Variants in GPC5 observed in about 807,000 individuals in gnomAD.
GPC5 encodes the protein glypican-5.
GPC5 carries 47 observed loss-of-function variants against 53.9 expected under a neutral mutation model. The ratio of observed to expected loss-of-function variants is 0.87; its 90% CI spans 0.69 to 1.11. The LOEUF (loss-of-function observed/expected upper bound fraction) is 1.11, where lower values mean the gene tolerates loss of function less well. Ranked by LOEUF, GPC5 falls within the 50% of genes most tolerant of loss-of-function variation. GPC5 has a pLI of 0.00. For synonymous variants in GPC5, 286 were observed against 263.3 expected, an observed-to-expected ratio of 1.09 and a Z score of -0.84; for missense variants, 748 against 713.1, an observed-to-expected ratio of 1.05 and a Z score of -0.56.
At position 92,866,390 on chromosome 13, in the gene GPC5, T is replaced by A; in HGVS notation, c.1670T>A (p.Met557Lys). Reference protein sequence around the residue: ...GAGCAVATESMTFTLISVVML... With the variant: ...GAGCAVATESKTFTLISVVML... Reference sequence around the variant, plus strand: ...GGATGTGCAGTGGCGACTGAATCTATGACATTCACTCTGATAAGTGTGGTG... The same window carrying A: ...GGATGTGCAGTGGCGACTGAATCTAAGACATTCACTCTGATAAGTGTGGTG... Residue 557 changes from methionine (M) to lysine (K), a missense_variant, in exon 8 of 8, where the codon ATG becomes AAG. Met to Lys is a moderately conservative substitution (Grantham distance 95). Coordinates refer to ENST00000377067, the MANE Select transcript of GPC5 (RefSeq NM_004466.6). 19 of 1,612,412 alleles carry A rather than the reference T, an allele frequency of 1.2e-5. No individual in the cohort carries two copies. Among genetic ancestry groups the A allele is most frequent in the Non-Finnish European group, 1.6e-5 (19 of 1,178,898 alleles).
chr13:92,691,060 G>T (rs1887370076), intron 7 of GPC5, among the ~76,000 whole-genome samples: 1 of 84,412 alleles, frequency 1.2e-5, no homozygotes, highest in Non-Finnish European at 2.2e-5. Flanking sequence ...GCCTACAGAG[G>T]CAGGCAGGCC....
chr13:92,147,230 T>C (rs575510206), intron 7 of GPC5, among the ~76,000 whole-genome samples: 3 of 152,156 alleles, frequency 2.0e-5, no homozygotes, highest in African/African-American at 7.2e-5. Context: ...TATCTTCCAC[T>C]GTATTTAGGA....
rs186334494 is a variant in GPC5 at position 91,734,275 on chromosome 13, G to A, written c.1154+5610G>A. On this transcript the variant is annotated intron_variant, in intron 4 of 7. Transcript: ENST00000377067. ...CATATTGATGTTCATCAGGGATATT[G>A]GCCCGAATTTCAGGAATTTCAATTT... 2.3e-4 allele frequency among the ~76,000 whole-genome samples: 35 copies of A among 151,324 alleles called. 1 individual carries two copies. The highest frequency in any genetic ancestry group is 4.1e-4 in the Non-Finnish European group (28 of 68,014).
intron 2 of GPC5, among the ~76,000 whole-genome samples, chr13:91,528,258 G>GA (rs1886178088): frequency 6.6e-6 from 1 of 152,096 alleles, no homozygotes; most frequent in Non-Finnish European, 1.5e-5. Context: ...TACGCTTTCA[G>GA]AAAAAGCCAG....
chr13:91,451,186 G>T (rs950992055), intron 2 of GPC5, among the ~76,000 whole-genome samples: 1 of 152,180 alleles, frequency 6.6e-6, no homozygotes, highest in Non-Finnish European at 1.5e-5. Context: ...CTCAAATGAT[G>T]TTAAGTAGAT....
intron 7 of GPC5, among the ~76,000 whole-genome samples, chr13:92,271,415 T>C (rs7984289): frequency 0.43 from 65,364 of 151,950 alleles, 15,252 homozygotes; most frequent in African/African-American, 0.62. Context: ...TACTTGTTAA[T>C]GCCCTTGGGA....
intron 3 of GPC5, among the ~76,000 whole-genome samples, chr13:91,713,774 T>G (rs886157154): frequency 2.6e-5 from 4 of 152,208 alleles, no homozygotes; most frequent in African/African-American, 9.6e-5. Flanking sequence ...GAGTCATCCT[T>G]GACACTTACT....
At position 92,323,219 on chromosome 13, in the gene GPC5, G is replaced by A. The variant is rs540246124; in HGVS notation, c.1561+178230G>A. ...TACAAATGAGGTACTTAGTATTTTC[G>A]GTACTTAGGGAAGATATATATACAA... On this transcript the variant is annotated intron_variant, in intron 7 of 7. Transcript: ENST00000377067. 2.9e-4 allele frequency among the ~76,000 whole-genome samples: 44 copies of A among 150,648 alleles called. No individual in the cohort carries two copies. In the East Asian group the frequency reaches 5.3e-3, roughly 18 times the overall value.
chr13:91,571,845 G>GTA (rs762061171), intron 2 of GPC5, among the ~76,000 whole-genome samples: 2,468 of 90,882 alleles, frequency 0.027, 158 homozygotes, highest in East Asian at 0.16. Context: ...ATACTTGTGT[G>GTA]TATATACACA....
Position 92,075,865 on chromosome 13 carries a change from A to C in GPC5, c.1402-68965A>C, listed in dbSNP as rs550344669. ...AATAAAATTCTTGAAGCCAATCAAT[A>C]AAATTAATTAAGCTTTAAATTCTAG... On this transcript the variant is annotated intron_variant, in intron 6 of 7. Coordinates refer to ENST00000377067, the MANE Select transcript of GPC5 (RefSeq NM_004466.6). 6.6e-5 allele frequency among the ~76,000 whole-genome samples: 10 copies of C among 152,342 alleles called. No homozygotes were observed. The East Asian group carries it at 1.7e-3, about 26-fold the overall frequency.
At chr13:92,588,293 A>G (rs528260295) in intron 7 of GPC5, among the ~76,000 whole-genome samples, 113 of 152,188 alleles carry the variant, frequency 7.4e-4, no homozygotes, top group African/African-American at 2.6e-3. Flanking sequence ...CCATGGTGTA[A>G]ATGTACCACA....
In GPC5 at chr13:92,302,246, T is replaced by C. The variant is rs144344031; in HGVS notation, c.1561+157257T>C. Reference sequence around the variant, plus strand: ...AACAGTGATTTTTTTTTCTCTATTATGTTGTTTGAGGACAGGCAAGATAAT... The same window carrying C: ...AACAGTGATTTTTTTTTCTCTATTACGTTGTTTGAGGACAGGCAAGATAAT... On this transcript the variant is annotated intron_variant, in intron 7 of 7. Transcript: ENST00000377067. Among the ~76,000 whole-genome samples, 748 of 152,260 alleles carry C rather than the reference T, an allele frequency of 4.9e-3. 1 individual carries two copies. Among genetic ancestry groups the C allele is most frequent in the Admixed American group, 8.0e-3 (122 of 15,294 alleles).
At chr13:91,522,426 T>TTG (rs1444074802) in intron 2 of GPC5, among the ~76,000 whole-genome samples, 1 of 152,208 alleles carries the variant, frequency 6.6e-6, no homozygotes, top group East Asian at 1.9e-4. Context: ...TAGCACACAT[T>TTG]TACAGTATCT....
chr13:92,017,567 T>G (rs953467523), intron 6 of GPC5, among the ~76,000 whole-genome samples: 2 of 152,024 alleles, frequency 1.3e-5, no homozygotes, highest in African/African-American at 4.8e-5. Flanking sequence ...CAACTCACAT[T>G]TTTAAAGTTC....
intron 7 of GPC5, among the ~76,000 whole-genome samples, chr13:92,174,371 A>C (rs1176936139): frequency 6.6e-6 from 1 of 150,558 alleles, no homozygotes; most frequent in Non-Finnish European, 1.5e-5. Flanking sequence ...AACACAAAAA[A>C]AAAAACAAAA....
At chr13:92,315,985 T>C (rs1302260521) in intron 7 of GPC5, among the ~76,000 whole-genome samples, 1 of 152,122 alleles carries the variant, frequency 6.6e-6, no homozygotes, top group Non-Finnish European at 1.5e-5. Flanking sequence ...TGTTCATGTA[T>C]AATATTTAAA....
rs143891548 is a variant in GPC5 at position 91,730,989 on chromosome 13, T to A, written c.1154+2324T>A. Among the ~76,000 whole-genome samples the A allele has an allele frequency of 2.6e-5, 4 of 152,368 alleles. No homozygotes were observed. In the East Asian group the frequency reaches 7.7e-4, roughly 29 times the overall value. On this transcript the variant is annotated intron_variant, in intron 4 of 7. Coordinates refer to ENST00000377067, the MANE Select transcript of GPC5 (RefSeq NM_004466.6). Reference sequence around the variant, plus strand: ...TATGTCTACTAAGACATTTGGGTGATGTGATCCATATTTTATTGTCAGCAT... The same window carrying A: ...TATGTCTACTAAGACATTTGGGTGAAGTGATCCATATTTTATTGTCAGCAT...
rs16947918 is a variant in GPC5, at chr13:92,818,663, C to T, written c.1562-47619C>T. 6.9e-3 allele frequency among the ~76,000 whole-genome samples: 1,042 copies of T among 152,026 alleles called. 26 individuals are homozygous for T. Among genetic ancestry groups the T allele is most frequent in the African/African-American group, 0.022 (918 of 41,336 alleles). ...ATTCTTTAATCAGATGGACTCATGC[C>T]TGCCAGAGAAGTTTCTTGGCTGTAT... On this transcript the variant is annotated intron_variant, in intron 7 of 7. Transcript: ENST00000377067.
intron 6 of GPC5, among the ~76,000 whole-genome samples, chr13:91,988,794 A>G (rs1038527303): frequency 6.7e-6 from 1 of 149,650 alleles, no homozygotes; most frequent in Non-Finnish European, 1.5e-5. Flanking sequence ...TATGTGGAAT[A>G]CTCTAATGAT....
Sources: allele counts gnomAD v4.1 joint callset (sites outside exome capture counted in the v4.1 genomes callset), GRCh38; gene constraint gnomAD v4.1.1; transcripts MANE v1.5; gene names NCBI Gene and HGNC (gene_info 2026-07-23, HGNC 2026-07-21).